The following PTPRD variants were observed in gnomAD, a reference collection of about 807,000 sequenced individuals.
The protein encoded by PTPRD is receptor-type tyrosine-protein phosphatase delta.
PTPRD carries 34 observed loss-of-function variants against 214.5 expected under a neutral mutation model. The observed-to-expected ratio is 0.16, with a 90% CI of 0.12 to 0.21. The LOEUF is 0.21. Among genes scored for constraint, PTPRD ranks in the 10% least tolerant of loss-of-function variants. The pLI is 1.00. For missense variants in PTPRD, 2,545 were observed against 2,398.7 expected (o/e 1.06, Z -1.27); for synonymous variants, 1,128 against 845.7 (o/e 1.33, Z -5.79).
At position 8,538,598 on chromosome 9, in the gene PTPRD, C is replaced by T. The variant is rs576007904; in HGVS notation, c.353-9819G>A. 2.6e-5 allele frequency among the ~76,000 whole-genome samples: 4 copies of T among 151,210 alleles called. No homozygotes were observed. The East Asian group carries it at 7.8e-4, about 29-fold the overall frequency. ...GGAACTAATAGTGTTGGTGTGAACACCTAGTTTTAAATATATATGTACACA... is the reference window on the plus strand; with the variant it reads ...GGAACTAATAGTGTTGGTGTGAACATCTAGTTTTAAATATATATGTACACA... On this transcript the variant is annotated intron_variant, in intron 14 of 45. Coordinates refer to ENST00000381196, the MANE Select transcript of PTPRD (RefSeq NM_002839.4).
chr9:9,253,943 G>A (rs1483816338), intron 9 of PTPRD, among the ~76,000 whole-genome samples: 1 of 152,052 alleles, frequency 6.6e-6, no homozygotes, highest in Admixed American at 6.6e-5. Flanking sequence ...TCTGGCAGTT[G>A]CCAGCTTGGT....
At chr9:10,377,398 G>A (rs1290420805) in intron 2 of PTPRD, among the ~76,000 whole-genome samples, 1 of 151,656 alleles carries the variant, frequency 6.6e-6, no homozygotes, top group Non-Finnish European at 1.5e-5. Context: ...CCATTAACTC[G>A]TCATTTATAT....
chr9:8,681,038 C>T (rs556855055), intron 12 of PTPRD, among the ~76,000 whole-genome samples: 6 of 152,248 alleles, frequency 3.9e-5, no homozygotes, highest in Admixed American at 3.9e-4. Flanking sequence ...TGGTATTCCT[C>T]CTCTCCCTTC....
chr9:9,042,631 T>TGG (rs2099644018), intron 10 of PTPRD, among the ~76,000 whole-genome samples: 1 of 149,102 alleles, frequency 6.7e-6, no homozygotes, highest in African/African-American at 2.5e-5. Flanking sequence ...TTTTTTTTTT[T>TGG]TTTGGTCTAT....
chr9:9,052,943 C>G (rs542817331), intron 10 of PTPRD, among the ~76,000 whole-genome samples: 2 of 152,132 alleles, frequency 1.3e-5, no homozygotes, highest in Admixed American at 6.5e-5. Flanking sequence ...AATAATTTTA[C>G]GTACTGAAAC....
At chr9:10,508,794 T>A (rs1402001896) in intron 2 of PTPRD, among the ~76,000 whole-genome samples, 1 of 151,494 alleles carries the variant, frequency 6.6e-6, no homozygotes, top group Non-Finnish European at 1.5e-5. Context: ...GGGCCTGTCG[T>A]GGGGTGGGGG....
chr9:10,433,382 TA>T, intron 2 of PTPRD, among the ~76,000 whole-genome samples: 1 of 152,104 alleles, frequency 6.6e-6, no homozygotes, highest in Admixed American at 6.6e-5. Flanking sequence ...TCGAGGTATA[TA>T]AAACACCTAC....
At chr9:8,375,450 C>T (rs1322103528) in intron 39 of PTPRD, among the ~76,000 whole-genome samples, 1 of 151,860 alleles carries the variant, frequency 6.6e-6, no homozygotes, top group Admixed American at 6.6e-5. Context: ...TGTCATGAGA[C>T]TTGATATTAC....
At chr9:9,467,420 C>G (rs957742760) in intron 8 of PTPRD, among the ~76,000 whole-genome samples, 7 of 150,582 alleles carry the variant, frequency 4.6e-5, no homozygotes, top group Admixed American at 2.0e-4. Flanking sequence ...AAATCTGTCT[C>G]TACTAAAAAT....
chr9:10,018,802 G>A (rs1426465174), intron 4 of PTPRD, among the ~76,000 whole-genome samples: 1 of 151,866 alleles, frequency 6.6e-6, no homozygotes. Context: ...GCCCGCCTCG[G>A]CCTCCCAAAG....
At chr9:8,362,893 C>T (rs1222707243) in intron 39 of PTPRD, among the ~76,000 whole-genome samples, 1 of 152,108 alleles carries the variant, frequency 6.6e-6, no homozygotes, top group Admixed American at 6.5e-5. Flanking sequence ...ATCCTGAAAG[C>T]TAAGTATGTA....
At chr9:10,237,454 GAT>G (rs1429550298) in intron 3 of PTPRD, among the ~76,000 whole-genome samples, 1 of 151,764 alleles carries the variant, frequency 6.6e-6, no homozygotes, top group Non-Finnish European at 1.5e-5. Context: ...TTTCTTAAGG[GAT>G]ACATACCAAT....
chr9:8,990,244 A>G (rs1226548384), intron 11 of PTPRD, among the ~76,000 whole-genome samples: 1 of 152,156 alleles, frequency 6.6e-6, no homozygotes, highest in Non-Finnish European at 1.5e-5. Context: ...ATTGCAACAC[A>G]CTAAAGGAGC....
At chr9:9,761,833 C>T (rs1304210641) in intron 6 of PTPRD, among the ~76,000 whole-genome samples, 1 of 152,192 alleles carries the variant, frequency 6.6e-6, no homozygotes, top group African/African-American at 2.4e-5. Context: ...CAATTGCCTA[C>T]ATCAAAATCT....
rs558054861 is a variant in PTPRD, at chr9:8,877,474, G to C, written c.-104+141223C>G. 8.5e-5 allele frequency among the ~76,000 whole-genome samples: 13 copies of C among 152,238 alleles called. No homozygotes were observed. The South Asian group carries it at 2.7e-3, about 32-fold the overall frequency. ...TACTTTCATACCGTGAAGGAATTCA[G>C]AGCAATAATAAATTAACTTATTAAA... On this transcript the variant is annotated intron_variant, in intron 11 of 45. Coordinates refer to ENST00000381196, the MANE Select transcript of PTPRD (RefSeq NM_002839.4).
chr9:10,557,284 T>C (rs1398344402), intron 2 of PTPRD, among the ~76,000 whole-genome samples: 3 of 152,104 alleles, frequency 2.0e-5, no homozygotes, highest in Non-Finnish European at 2.9e-5. Context: ...CCCCATCCTA[T>C]GAAAGGATTT....
chr9:9,361,741 A>G (rs2056244392), intron 9 of PTPRD, among the ~76,000 whole-genome samples: 1 of 151,158 alleles, frequency 6.6e-6, no homozygotes, highest in Non-Finnish European at 1.5e-5. Flanking sequence ...TTCAGTCTCA[A>G]GATTAAGCAT....
intron 9 of PTPRD, among the ~76,000 whole-genome samples, chr9:9,376,738 G>A (rs1480250258): frequency 1.3e-5 from 2 of 151,972 alleles, no homozygotes; most frequent in African/African-American, 2.4e-5. Context: ...AGAACCCCTC[G>A]GGTCTCTTAT....
At chr9:9,276,455 G>A (rs1356233940) in intron 9 of PTPRD, among the ~76,000 whole-genome samples, 1 of 151,300 alleles carries the variant, frequency 6.6e-6, no homozygotes, top group East Asian at 2.0e-4. Flanking sequence ...GGTTTTCTCA[G>A]AGATGGTCTT....
Sources: gnomAD v4.1 joint callset for allele counts (sites outside exome capture counted in the v4.1 genomes callset) on GRCh38, gnomAD v4.1.1 for gene constraint, MANE v1.5 for transcripts, NCBI Gene and HGNC (gene_info 2026-07-23, HGNC 2026-07-21) for gene names.